The following CCSER2 variants were observed in gnomAD, a reference collection of about 807,000 sequenced individuals.
CCSER2 encodes the protein coiled-coil serine rich protein 2, also known as serine-rich coiled-coil domain-containing protein 2.
A neutral mutation model predicts 92.3 loss-of-function variants in CCSER2; 46 were observed. The observed-to-expected ratio is 0.50, with a 90% CI of 0.39 to 0.64. The LOEUF is 0.64. Ranked by LOEUF, CCSER2 falls within the 30% of genes least tolerant of loss-of-function variation. The pLI, the probability that CCSER2 is intolerant of heterozygous loss-of-function variation, is 0.00. For missense variants in CCSER2, 1,244 were observed against 1,238.9 expected, an observed-to-expected ratio of 1.00 and a Z score of -0.06; for synonymous variants, 433 against 431.4, an observed-to-expected ratio of 1.00 and a Z score of -0.04.
rs1378819539 is a variant in CCSER2, at chr10:84,451,685, A to G, written c.2065-12248A>G. Among the ~76,000 whole-genome samples the G allele has an allele frequency of 2.0e-5, 3 of 151,992 alleles. No individual in the cohort carries two copies. In the East Asian group the frequency reaches 5.8e-4, roughly 29 times the overall value. On this transcript the variant is annotated intron_variant, in intron 6 of 9. Transcript: ENST00000372088. ...AACAGATATGTAAATGTGTAGGTTC[A>G]ATAAAAAATTTAAACAGAAAAAATT... is the stretch of plus-strand genomic sequence containing the variant.
At chr10:84,505,617 A>G (rs1234566323) in intron 9 of CCSER2, among the ~76,000 whole-genome samples, 2 of 152,150 alleles carry the variant, frequency 1.3e-5, no homozygotes, top group Non-Finnish European at 2.9e-5. Flanking sequence ...TACTAATTCA[A>G]TTTCGTGTAT....
chr10:84,457,393 A>G (rs1473166623), intron 6 of CCSER2, among the ~76,000 whole-genome samples: 1 of 92,418 alleles, frequency 1.1e-5, no homozygotes, highest in Non-Finnish European at 2.0e-5. Context: ...ATATATATTT[A>G]TTTAAATATA....
chr10:84,440,044 A>G (rs1226355712), intron 6 of CCSER2, among the ~76,000 whole-genome samples: 2 of 152,200 alleles, frequency 1.3e-5, no homozygotes, highest in East Asian at 1.9e-4. Flanking sequence ...GCCCTGAATC[A>G]TGAAGCATGA....
chr10:84,397,944 G>A (rs1287667494), intron 3 of CCSER2, among the ~76,000 whole-genome samples: 1 of 152,144 alleles, frequency 6.6e-6, no homozygotes, highest in African/African-American at 2.4e-5. Context: ...AAACAAATAA[G>A]CCTAATTATA....
At chr10:84,443,901 C>G (rs1473905250) in intron 6 of CCSER2, among the ~76,000 whole-genome samples, 1 of 152,056 alleles carries the variant, frequency 6.6e-6, no homozygotes, top group African/African-American at 2.4e-5. Flanking sequence ...AACAGAAAAC[C>G]AAACACTGCA....
At chr10:84,483,890 T>G (rs2133768893) in intron 9 of CCSER2, among the ~76,000 whole-genome samples, 1 of 142,380 alleles carries the variant, frequency 7.0e-6, no homozygotes, top group Non-Finnish European at 1.5e-5. Flanking sequence ...GTTCAAGAGA[T>G]TCTCCCACCT....
chr10:84,455,730 T>A, intron 6 of CCSER2: 1 of 918,670 alleles, frequency 1.1e-6, no homozygotes, highest in Non-Finnish European at 1.8e-6. Context: ...GACCTCTCTG[T>A]AAAATGCACC....
intron 6 of CCSER2, among the ~76,000 whole-genome samples, chr10:84,450,705 T>C (rs1414430736): frequency 1.3e-5 from 2 of 152,234 alleles, no homozygotes; most frequent in Admixed American, 6.5e-5. Flanking sequence ...TGAGAAACTT[T>C]GTAGAAACCA....
At chr10:84,358,672 A>G (rs865827979) in intron 1 of CCSER2, among the ~76,000 whole-genome samples, 16 of 148,038 alleles carry the variant, frequency 1.1e-4, no homozygotes, top group Non-Finnish European at 1.8e-4. Context: ...ATATACATAT[A>G]TGTATATATA....
At chr10:84,383,721 A>G (rs1367971163) in intron 3 of CCSER2, among the ~76,000 whole-genome samples, 2 of 152,186 alleles carry the variant, frequency 1.3e-5, no homozygotes, top group Admixed American at 6.5e-5. Context: ...ACTACTGTCA[A>G]ACTGTTTTCA....
rs903979079 is a variant in CCSER2, at chr10:84,515,536, G to C, written c.*1269G>C. On this transcript the variant is annotated 3_prime_UTR_variant, in exon 10 of 10. Coordinates refer to ENST00000372088, the MANE Select transcript of CCSER2 (RefSeq NM_001284240.2). Reference sequence around the variant, plus strand: ...GGCTCACTGCAACTTCTGCCTCCCGGGTTCAAGCGATTCTCCTGCCTCAGC... The same window carrying C: ...GGCTCACTGCAACTTCTGCCTCCCGCGTTCAAGCGATTCTCCTGCCTCAGC... 5 of 152,102 alleles carry C rather than the reference G, an allele frequency of 3.3e-5. No homozygotes were observed. Among genetic ancestry groups the C allele is most frequent in the African/African-American group, 1.2e-4 (5 of 41,368 alleles). 9.4% of individuals were successfully genotyped at this position (152,102 alleles called of 1,614,324 possible).
intron 7 of CCSER2, among the ~76,000 whole-genome samples, chr10:84,469,650 AAC>A (rs957475498): frequency 6.6e-6 from 1 of 152,148 alleles, no homozygotes; most frequent in African/African-American, 2.4e-5. Flanking sequence ...TGAATAATGA[AAC>A]ACAAACAACA....
chr10:84,372,086 A>G lies in CCSER2; in HGVS notation c.1034A>G (p.Asp345Gly). 1 of 1,613,822 alleles carries G rather than the reference A, an allele frequency of 6.2e-7. No individual in the cohort carries two copies. The highest frequency in any genetic ancestry group is 8.5e-7 in the Non-Finnish European group (1 of 1,179,814). The change falls in exon 2 of 10, where the codon GAC becomes GGC. Residue 345 changes from aspartate (D) to glycine (G), a missense_variant. By Grantham distance (94) the Asp-to-Gly change is moderately conservative (BLOSUM62 -1). Coordinates refer to ENST00000372088, the MANE Select transcript of CCSER2 (RefSeq NM_001284240.2). ...TVDGNKNSPA[D>G]TCVEEDATVL... ...GATGGAAATAAAAATTCACCTGCTG[A>G]CACATGTGTAGAGGAAGATGCTACA...
chr10:84,354,080 T>C (rs1845019454), intron 1 of CCSER2, among the ~76,000 whole-genome samples: 1 of 152,002 alleles, frequency 6.6e-6, no homozygotes, highest in South Asian at 2.1e-4. Context: ...ACACCTGTAG[T>C]CCCAGCTACT....
At chr10:84,356,545 T>C (rs1845181749) in intron 1 of CCSER2, among the ~76,000 whole-genome samples, 1 of 152,182 alleles carries the variant, frequency 6.6e-6, no homozygotes, top group Non-Finnish European at 1.5e-5. Context: ...AAAAAATGTT[T>C]TATGCCAAAA....
At position 84,344,137 on chromosome 10, in the gene CCSER2, C is replaced by T. The variant is rs111644758; in HGVS notation, c.-40+15329C>T. 2.5e-3 allele frequency among the ~76,000 whole-genome samples: 379 copies of T among 152,280 alleles called. 1 individual carries two copies. Among genetic ancestry groups the T allele is most frequent in the African/African-American group, 8.4e-3 (348 of 41,560 alleles). On this transcript the variant is annotated intron_variant, in intron 1 of 9. Transcript: ENST00000372088. ...TGAAGAATTATTTTTTGACCCCAGACATAGTCATAGAAGAGCCCTTTAGTC... is the reference window on the plus strand; with the variant it reads ...TGAAGAATTATTTTTTGACCCCAGATATAGTCATAGAAGAGCCCTTTAGTC...
Position 84,371,972 on chromosome 10 carries a change from C to T in CCSER2, c.920C>T (p.Pro307Leu), listed in dbSNP as rs991306210. The T allele has an allele frequency of 3.1e-6, 5 of 1,613,544 alleles. No individual in the cohort carries two copies. Among genetic ancestry groups the T allele is most frequent in the Non-Finnish European group, 4.2e-6 (5 of 1,179,720 alleles). ...AAGAAGTTGGCTTTACCAAATGGCC[C>T]AGGTGTAACTTCTACTTTAGGTTAT... ...GGKKLALPNG[P>L]GVTSTLGYRM... Residue 307 changes from proline (P) to leucine (L), a missense_variant, in exon 2 of 10, where the codon CCA becomes CTA. By Grantham distance (98) the Pro-to-Leu change is moderately conservative (BLOSUM62 -3). Transcript: ENST00000372088.
chr10:84,389,832 T>C (rs909822711), intron 3 of CCSER2, among the ~76,000 whole-genome samples: 1 of 152,240 alleles, frequency 6.6e-6, no homozygotes, highest in Non-Finnish European at 1.5e-5. Context: ...CAGACTCCTG[T>C]GTGTTTTTCT....
At chr10:84,491,066 A>G (rs1403801627) in intron 9 of CCSER2, among the ~76,000 whole-genome samples, 1 of 152,224 alleles carries the variant, frequency 6.6e-6, no homozygotes, top group Non-Finnish European at 1.5e-5. Flanking sequence ...ATATTGCTGA[A>G]CAGCAAATGT....
Sources: gnomAD v4.1 joint callset for allele counts (sites outside exome capture counted in the v4.1 genomes callset) on GRCh38, gnomAD v4.1.1 for gene constraint, MANE v1.5 for transcripts, NCBI Gene and HGNC (gene_info 2026-07-23, HGNC 2026-07-21) for gene names.